SLC2A9: variants seen among roughly 807,000 people sequenced by gnomAD.
SLC2A9 encodes solute carrier family 2 member 9, also known as solute carrier family 2, facilitated glucose transporter member 9.
In SLC2A9, 39 loss-of-function variants were observed where a neutral mutation model predicts 50.6. The observed-to-expected ratio is 0.77, with a 90% CI of 0.60 to 1.01. The LOEUF (loss-of-function observed/expected upper bound fraction) is 1.01. SLC2A9 is among the 50% of genes least tolerant of loss of function. The pLI, the probability that SLC2A9 is intolerant of heterozygous loss-of-function variation, is 0.00. For missense variants in SLC2A9, 686 were observed against 677.6 expected (o/e 1.01, Z -0.14); for synonymous variants, 324 against 276.9 (o/e 1.17, Z -1.69).
At chr4:9,882,837 C>T (rs1003395273) in intron 10 of SLC2A9, among the ~76,000 whole-genome samples, 1 of 152,036 alleles carries the variant, frequency 6.6e-6, no homozygotes, top group African/African-American at 2.4e-5. Context: ...CCATTCTCCA[C>T]ATAAACTTCC....
At chr4:9,854,653 C>T (rs1346216552) in intron 10 of SLC2A9, among the ~76,000 whole-genome samples, 2 of 152,084 alleles carry the variant, frequency 1.3e-5, no homozygotes, top group Non-Finnish European at 2.9e-5. Flanking sequence ...GAGACACATA[C>T]ATACACAAAA....
At chr4:9,876,290 A>G (rs902191166) in intron 10 of SLC2A9, among the ~76,000 whole-genome samples, 17 of 152,192 alleles carry the variant, frequency 1.1e-4, no homozygotes, top group African/African-American at 3.9e-4. Flanking sequence ...GGCTATAAAT[A>G]GTCCATTCAC....
chr4:9,981,686 G>A (rs544067486), intron 4 of SLC2A9, among the ~76,000 whole-genome samples: 4 of 152,096 alleles, frequency 2.6e-5, no homozygotes, highest in Non-Finnish European at 5.9e-5. Flanking sequence ...CTCCGTTATG[G>A]CAGATGCTAT....
intron 1 of SLC2A9, among the ~76,000 whole-genome samples, chr4:10,027,081 C>A (rs529519070): frequency 1.3e-5 from 2 of 152,006 alleles, no homozygotes; most frequent in Non-Finnish European, 2.9e-5. Context: ...ACACAAAAAG[C>A]GACATCTTTT....
downstream of SLC2A9, among the ~76,000 whole-genome samples, chr4:9,796,175 G>A (rs1214535115): frequency 6.6e-6 from 1 of 152,202 alleles, no homozygotes; most frequent in East Asian, 1.9e-4. Flanking sequence ...TCCTGAGGCT[G>A]AGGAAGGGTC....
chr4:9,827,175 T>C (rs1382651520), intron 11 of SLC2A9, among the ~76,000 whole-genome samples: 1 of 152,244 alleles, frequency 6.6e-6, no homozygotes, highest in Non-Finnish European at 1.5e-5. Context: ...GTATCCTGAT[T>C]AGTGTTTGGA....
At chr4:9,959,217 T>TAA (rs11338281) in intron 5 of SLC2A9, among the ~76,000 whole-genome samples, 2 of 137,206 alleles carry the variant, frequency 1.5e-5, no homozygotes, top group South Asian at 2.3e-4. Context: ...CAATCTCTAC[T>TAA]AAAAAAAAAA....
chr4:9,947,048 G>A (rs1408546013), intron 5 of SLC2A9, among the ~76,000 whole-genome samples: 2 of 152,188 alleles, frequency 1.3e-5, no homozygotes, highest in Non-Finnish European at 2.9e-5. Context: ...GAGGTAGATG[G>A]TTGACTTCTC....
rs189114622 is a variant in SLC2A9 at position 9,967,304 on chromosome 4, C to T, written c.681+13288G>A. On this transcript the variant is annotated intron_variant, in intron 5 of 11. Coordinates refer to ENST00000264784, the MANE Select transcript of SLC2A9 (RefSeq NM_020041.3). ...ATGGAATGAACCAAATTATGTGCTT[C>T]TTAAATTTTATAAAAGACTAAATAT... 3.8e-3 allele frequency among the ~76,000 whole-genome samples: 573 copies of T among 152,166 alleles called. 2 individuals are homozygous for T. Among genetic ancestry groups the T allele is most frequent in the Non-Finnish European group, 5.0e-3 (339 of 67,966 alleles).
At chr4:9,879,382 A>G (rs142915180) in intron 10 of SLC2A9, 1,131 of 919,784 alleles carry the variant, frequency 1.2e-3, no homozygotes, top group Non-Finnish European at 1.4e-3. Context: ...TTATGTGTGT[A>G]TGTGTGTGTG....
intron 1 of SLC2A9, among the ~76,000 whole-genome samples, chr4:9,773,919 T>C (rs1020541043): frequency 6.6e-6 from 1 of 152,118 alleles, no homozygotes; most frequent in African/African-American, 2.4e-5. Flanking sequence ...GCACATTATA[T>C]TATATTTTGC....
rs1211957760 is a variant in SLC2A9, at chr4:10,016,284, G to A, written c.249+2691C>T. Among the ~76,000 whole-genome samples the A allele has an allele frequency of 2.6e-5, 4 of 152,282 alleles. No homozygotes were observed. In the East Asian group the frequency reaches 5.8e-4, roughly 22 times the overall value. On this transcript the variant is annotated intron_variant, in intron 2 of 11. Coordinates refer to ENST00000264784, the MANE Select transcript of SLC2A9 (RefSeq NM_020041.3). The stretch of plus-strand genomic sequence containing the variant: ...CTGATGCCTGGGAAACCAGAAGCCC[G>A]CCCAGGGCCAAACTCTGGCTCCACT...
At chr4:9,796,306 C>T (rs1463050243), downstream of SLC2A9, among the ~76,000 whole-genome samples, 5 of 152,274 alleles carry the variant, frequency 3.3e-5, no homozygotes, top group South Asian at 6.2e-4. Flanking sequence ...AAGCTGTTTG[C>T]CAATTCATTC....
At chr4:10,015,142 T>C (rs919922576) in intron 2 of SLC2A9, among the ~76,000 whole-genome samples, 4 of 152,172 alleles carry the variant, frequency 2.6e-5, no homozygotes, top group African/African-American at 4.8e-5. Context: ...CCTAGGGTTG[T>C]TGCAGTGAAA....
chr4:10,011,564 A>C (rs1761768389), intron 2 of SLC2A9, among the ~76,000 whole-genome samples: 1 of 152,266 alleles, frequency 6.6e-6, no homozygotes, highest in Non-Finnish European at 1.5e-5. Context: ...GATTCAGATT[A>C]GCACATTTGC....
intron 5 of SLC2A9, among the ~76,000 whole-genome samples, chr4:9,959,248 C>T (rs374374966): frequency 6.4e-4 from 97 of 151,068 alleles, no homozygotes; most frequent in African/African-American, 2.0e-3. Context: ...AAAAATTAGC[C>T]AGGCGTGGTG....
chr4:9,874,127 A>G lies in SLC2A9; in HGVS notation c.1291+13440T>C, dbSNP rs146123527. ...CTCCAGAGCGTCTCTCCAGTTTTAC[A>G]TGTGTCCTAGGCTTCCATTAGCATC... On this transcript the variant is annotated intron_variant, in intron 10 of 11. Coordinates refer to ENST00000264784, the MANE Select transcript of SLC2A9 (RefSeq NM_020041.3). Among the ~76,000 whole-genome samples, 1,412 of 152,188 alleles carry G rather than the reference A, an allele frequency of 9.3e-3. 20 individuals carry two copies. The highest frequency in any genetic ancestry group is 0.031 in the African/African-American group (1,302 of 41,514).
chr4:9,818,673 T>C (rs1723969890), intron 3 of SLC2A9, among the ~76,000 whole-genome samples: 1 of 152,228 alleles, frequency 6.6e-6, no homozygotes, highest in Non-Finnish European at 1.5e-5. Flanking sequence ...TCAGAGGAGC[T>C]GGACTAGAGT....
chr4:9,897,138 T>C (rs1309714667), intron 8 of SLC2A9, among the ~76,000 whole-genome samples: 1 of 152,222 alleles, frequency 6.6e-6, no homozygotes, highest in Non-Finnish European at 1.5e-5. Context: ...GTCTAGGCAC[T>C]CCGGCTCCAG....
Sources: allele counts gnomAD v4.1 joint callset (sites outside exome capture counted in the v4.1 genomes callset), GRCh38; gene constraint gnomAD v4.1.1; transcripts MANE v1.5; gene names NCBI Gene and HGNC (gene_info 2026-07-23, HGNC 2026-07-21).